The following DNAJC15 variants were observed in gnomAD, a reference collection of about 807,000 sequenced individuals.
The protein encoded by DNAJC15 is dnaJ homolog subfamily C member 15.
DNAJC15 carries 27 observed loss-of-function variants against 22.4 expected under a neutral mutation model. The observed-to-expected ratio is 1.20, with a 90% CI of 0.89 to 1.66. DNAJC15 has a LOEUF of 1.66. DNAJC15 is among the 40% of genes most tolerant of loss of function. The pLI is 0.00. For synonymous variants in DNAJC15, 79 were observed against 63.2 expected (o/e 1.25, Z -1.19); for missense variants, 208 against 187.1 (o/e 1.11, Z -0.65).
rs537317670 is a variant in DNAJC15 at position 43,112,063 on chromosome 13, G to T, written c.*4815G>T. 6.6e-6 allele frequency: 1 copy of T among 152,332 alleles called. No homozygotes were observed. The highest frequency in any genetic ancestry group is 2.1e-4 in the South Asian group (1 of 4,832). The allele number at this position is 152,332 out of a possible 1,614,324, so 9.4% of individuals were successfully genotyped here. On this transcript the variant is annotated 3_prime_UTR_variant, in exon 6 of 6. Coordinates refer to ENST00000379221, the MANE Select transcript of DNAJC15 (RefSeq NM_013238.3). ...GCCCACCAGCAAAATTGCTGGGCAT[G>T]GTGGACAAAGAAAATGTTCCTTCTA...
chr13:43,112,477 A>G lies in DNAJC15; in HGVS notation c.*5229A>G, dbSNP rs1056440553. 6 of 152,242 alleles carry G rather than the reference A, an allele frequency of 3.9e-5. No individual in the cohort carries two copies. The highest frequency in any genetic ancestry group is 1.2e-4 in the African/African-American group (5 of 41,464). The allele number at this position is 152,242 out of a possible 1,614,324, so 9.4% of individuals were successfully genotyped here. A position where few individuals can be genotyped will look rare whatever the true frequency, so the allele number is the denominator to read the frequency against. ...TTAGCAGGGGGGATCAACAGTGGCAAACTTCAATTATGACAGGATAAAAAT... is the reference window on the plus strand; with the variant it reads ...TTAGCAGGGGGGATCAACAGTGGCAGACTTCAATTATGACAGGATAAAAAT... On this transcript the variant is annotated 3_prime_UTR_variant, in exon 6 of 6. Transcript: ENST00000379221.
chr13:43,078,520 G>GCATTA (rs2040646236), intron 3 of DNAJC15, 92 bp from the exon 4 acceptor site: 1 of 939,062 alleles, frequency 1.1e-6, no homozygotes, highest in Admixed American at 2.3e-5. Flanking sequence ...CTAGTAAAAT[G>GCATTA]CATTACTCTC....
intron 4 of DNAJC15, among the ~76,000 whole-genome samples, chr13:43,079,174 T>C (rs1175604322): frequency 6.6e-6 from 1 of 152,068 alleles, no homozygotes; most frequent in African/African-American, 2.4e-5. Flanking sequence ...ATATAATTGC[T>C]GTGTGATATC....
intron 3 of DNAJC15, among the ~76,000 whole-genome samples, chr13:43,073,256 C>T (rs2040617091): frequency 6.6e-6 from 1 of 152,178 alleles, no homozygotes; most frequent in Non-Finnish European, 1.5e-5. Context: ...TGTTAACAGG[C>T]ATGTCTTTCA....
Position 43,099,375 on chromosome 13 carries a change from T to C in DNAJC15, c.383-7803T>C, listed in dbSNP as rs141698332. On this transcript the variant is annotated intron_variant, in intron 5 of 5. Transcript: ENST00000379221. ...TTGCTTTCCAATCTGGATGTCTTTT[T>C]CTTTTTTAACCTCATTAGACTGGCT... 2.0e-5 allele frequency among the ~76,000 whole-genome samples: 3 copies of C among 152,316 alleles called. No individual in the cohort carries two copies. In the East Asian group the frequency reaches 5.8e-4, roughly 29 times the overall value.
chr13:43,106,691 C>A (rs1489840497), intron 5 of DNAJC15, among the ~76,000 whole-genome samples: 1 of 151,518 alleles, frequency 6.6e-6, no homozygotes, highest in Non-Finnish European at 1.5e-5. Flanking sequence ...TTTAAACATA[C>A]ATTTTATTTT....
chr13:43,066,312 GC>G (rs1425893930), intron 2 of DNAJC15, among the ~76,000 whole-genome samples: 1 of 151,796 alleles, frequency 6.6e-6, no homozygotes, highest in Non-Finnish European at 1.5e-5. Context: ...CTGGGGAGAA[GC>G]CCTTTCCTTA....
chr13:43,110,616 C>A lies in DNAJC15; in HGVS notation c.*3368C>A, dbSNP rs575000078. 1.3e-5 allele frequency: 2 copies of A among 152,026 alleles called. No homozygotes were observed. The highest frequency in any genetic ancestry group is 3.9e-4 in the East Asian group (2 of 5,186). 9.4% of individuals were successfully genotyped at this position (152,026 alleles called of 1,614,324 possible). On this transcript the variant is annotated 3_prime_UTR_variant, in exon 6 of 6. Coordinates refer to ENST00000379221, the MANE Select transcript of DNAJC15 (RefSeq NM_013238.3). ...TACCCTTGTACCTAAAGATGCCATC[C>A]TAATCCCCAGATCTCCACAACTATA...
At chr13:43,087,122 G>T (rs1455568283) in intron 5 of DNAJC15, among the ~76,000 whole-genome samples, 1 of 152,142 alleles carries the variant, frequency 6.6e-6, no homozygotes, top group Non-Finnish European at 1.5e-5. Flanking sequence ...TAATGTAGAG[G>T]CTGTACCCTA....
At chr13:43,051,412 C>G (rs2262407) in intron 1 of DNAJC15, among the ~76,000 whole-genome samples, 2,232 of 152,230 alleles carry the variant, frequency 0.015, 46 homozygotes, top group African/African-American at 0.05. Flanking sequence ...AGTCTTTTAT[C>G]CCTCGCTCCC....
intron 1 of DNAJC15, among the ~76,000 whole-genome samples, chr13:43,058,278 C>T (rs1300328898): frequency 6.6e-6 from 1 of 152,122 alleles, no homozygotes; most frequent in Non-Finnish European, 1.5e-5. Flanking sequence ...ACAAGCTTGC[C>T]CTAAGATCAC....
intron 3 of DNAJC15, among the ~76,000 whole-genome samples, chr13:43,074,642 C>T (rs2040624353): frequency 6.6e-6 from 1 of 152,002 alleles, no homozygotes; most frequent in African/African-American, 2.4e-5. Context: ...GGGAGGAGTA[C>T]AGAGTTACAA....
At position 43,114,063 on chromosome 13, in the gene DNAJC15, T is replaced by A. The variant is rs1479574980; in HGVS notation, c.*6815T>A. ...TAAGCAGAGATTTTTTAAAATCCAATATGTGAAAATACGGATGCACTACAA... is the reference window on the plus strand; with the variant it reads ...TAAGCAGAGATTTTTTAAAATCCAAAATGTGAAAATACGGATGCACTACAA... On this transcript the variant is annotated 3_prime_UTR_variant, in exon 6 of 6. Transcript: ENST00000379221. The A allele has an allele frequency of 6.6e-6, 1 of 152,230 alleles. No individual in the cohort carries two copies. The highest frequency in any genetic ancestry group is 1.5e-5 in the Non-Finnish European group (1 of 68,040). The allele number at this position is 152,230 out of a possible 1,614,324, so 9.4% of individuals were successfully genotyped here. A position where few individuals can be genotyped will look rare whatever the true frequency, so the allele number is the denominator to read the frequency against.
chr13:43,089,526 A>G (rs1170971077), intron 5 of DNAJC15, among the ~76,000 whole-genome samples: 1 of 152,206 alleles, frequency 6.6e-6, no homozygotes. Flanking sequence ...AACAAAGTAA[A>G]GGGGCTAATG....
chr13:43,109,625 G>A lies in DNAJC15; in HGVS notation c.*2377G>A, dbSNP rs2040814889. The A allele has an allele frequency of 6.6e-6, 1 of 152,012 alleles. No individual in the cohort carries two copies. Among genetic ancestry groups the A allele is most frequent in the Admixed American group, 6.6e-5 (1 of 15,252 alleles). The allele number at this position is 152,012 out of a possible 1,614,324, so 9.4% of individuals were successfully genotyped here. ...GTTTTGAATACTATCTTCCTGTTAT[G>A]TGATCTTGGGCAGTTACTTAATTTT... On this transcript the variant is annotated 3_prime_UTR_variant, in exon 6 of 6. Coordinates refer to ENST00000379221, the MANE Select transcript of DNAJC15 (RefSeq NM_013238.3).
At chr13:43,077,376 G>A (rs1412800648) in intron 3 of DNAJC15, among the ~76,000 whole-genome samples, 2 of 152,158 alleles carry the variant, frequency 1.3e-5, no homozygotes, top group African/African-American at 4.8e-5. Flanking sequence ...CAGAAAGAAA[G>A]GGAAGGACAA....
At chr13:43,103,934 A>G (rs2040783245) in intron 5 of DNAJC15, among the ~76,000 whole-genome samples, 1 of 152,170 alleles carries the variant, frequency 6.6e-6, no homozygotes, top group African/African-American at 2.4e-5. Context: ...TTTATCTAAT[A>G]ATTAGTATAA....
At chr13:43,074,987 G>A (rs2040626808) in intron 3 of DNAJC15, among the ~76,000 whole-genome samples, 1 of 152,206 alleles carries the variant, frequency 6.6e-6, no homozygotes, top group South Asian at 2.1e-4. Flanking sequence ...CTGTAGGGCT[G>A]ACCGTGGTGC....
intron 1 of DNAJC15, among the ~76,000 whole-genome samples, chr13:43,036,598 T>A (rs2040430074): frequency 6.6e-6 from 1 of 152,202 alleles, no homozygotes; most frequent in African/African-American, 2.4e-5. Context: ...CAGTCCTAGC[T>A]TGAAGGAGGG....
Sources: allele counts gnomAD v4.1 joint callset (sites outside exome capture counted in the v4.1 genomes callset), GRCh38; gene constraint gnomAD v4.1.1; transcripts MANE v1.5; gene names NCBI Gene and HGNC (gene_info 2026-07-23, HGNC 2026-07-21).